NUP210: variants seen among roughly 807,000 people sequenced by gnomAD.
NUP210 encodes the protein nucleoporin 210, also known as nuclear pore membrane glycoprotein 210.
NUP210 carries 151 observed loss-of-function variants against 196.0 expected under a neutral mutation model. The observed-to-expected ratio is 0.77, with a 90% CI of 0.67 to 0.88. NUP210 has a LOEUF of 0.88. Among genes scored for constraint, NUP210 ranks in the 40% least tolerant of loss-of-function variants. The pLI, the probability that NUP210 is intolerant of heterozygous loss-of-function variation, is 0.00. For missense variants in NUP210, 2,314 were observed against 2,493.7 expected, an observed-to-expected ratio of 0.93 and a Z score of 1.53; for synonymous variants, 1,070 against 1,052.7, an observed-to-expected ratio of 1.02 and a Z score of -0.32.
At chr3:13,335,084 C>T (rs1246561642) in intron 28 of NUP210, among the ~76,000 whole-genome samples, 1 of 152,226 alleles carries the variant, frequency 6.6e-6, no homozygotes, top group African/African-American at 2.4e-5. Flanking sequence ...CTGTTGGGTG[C>T]TCTATGTGTG....
chr3:13,372,079 G>C, intron 12 of NUP210, 47 bp from the exon 13 acceptor site: 4 of 1,477,044 alleles, frequency 2.7e-6, no homozygotes, highest in Non-Finnish European at 3.6e-6. Flanking sequence ...CCACAGGAGA[G>C]GCAGGGCCTG....
At chr3:13,389,377 G>A (rs1434574847) in intron 4 of NUP210, among the ~76,000 whole-genome samples, 1 of 152,218 alleles carries the variant, frequency 6.6e-6, no homozygotes, top group Non-Finnish European at 1.5e-5. Context: ...GGCCCTGAGT[G>A]GATCAACCCA....
At chr3:13,325,302 T>C (rs1489816291) in intron 33 of NUP210, among the ~76,000 whole-genome samples, 2 of 152,216 alleles carry the variant, frequency 1.3e-5, no homozygotes, top group Non-Finnish European at 2.9e-5. Flanking sequence ...ACAATTAGGT[T>C]AAACTGCTAG....
chr3:13,364,377 T>C (rs1485314589), intron 14 of NUP210, among the ~76,000 whole-genome samples: 4 of 152,190 alleles, frequency 2.6e-5, no homozygotes, highest in Middle Eastern at 3.2e-3. Context: ...GAGAAGTGTC[T>C]GTTATGTTTG....
chr3:13,375,781 A>G, intron 10 of NUP210, 140 bp from the exon 11 acceptor site: 2 of 845,264 alleles, frequency 2.4e-6, no homozygotes, highest in Non-Finnish European at 3.7e-6. Flanking sequence ...AAGGTGCCAG[A>G]CACCCTGCTG....
intron 11 of NUP210, 93 bp from the exon 12 acceptor site, chr3:13,373,966 A>T: frequency 1.5e-6 from 2 of 1,349,120 alleles, no homozygotes; most frequent in Non-Finnish European, 2.1e-6. Flanking sequence ...GCATGCACGT[A>T]CTCACACTCA....
intron 39 of NUP210, among the ~76,000 whole-genome samples, chr3:13,318,029 G>A (rs1696344220): frequency 6.6e-6 from 1 of 152,206 alleles, no homozygotes; most frequent in East Asian, 1.9e-4. Flanking sequence ...CGTGTCTCAA[G>A]TTTCAGGACC....
chr3:13,343,335 G>A, intron 20 of NUP210, 32 bp from the exon 21 acceptor site: 2 of 1,567,262 alleles, frequency 1.3e-6, no homozygotes, highest in Non-Finnish European at 8.7e-7. Flanking sequence ...GGAGGGGTGG[G>A]TGGTGGGTTA....
At position 13,388,389 on chromosome 3, in the gene NUP210, C is replaced by A. The variant is rs776259824; in HGVS notation, c.598G>T (p.Ala200Ser). The change falls in exon 5 of 40, where the codon GCC becomes TCC. Residue 200 changes from alanine to serine, a missense_variant. Transcript: ENST00000254508. ...PSYISEMEKA[A>S]KQGDTILVSG... is the part of the protein sequence containing the mutation. ...ACCAGGATGGTGTCCCCTTGCTTGG[C>A]AGCCTTCTCCATCTCTGAGATGTAA... 6.2e-7 allele frequency: 1 copy of A among 1,612,738 alleles called. No individual in the cohort carries two copies. The highest frequency in any genetic ancestry group is 1.7e-5 in the Admixed American group (1 of 59,894).
rs528752478 is a variant in NUP210, at chr3:13,365,838, A to G, written c.1932+108T>C. The G allele has an allele frequency of 3.2e-6, 4 of 1,236,096 alleles. No individual in the cohort carries two copies. The African/African-American group carries it at 4.5e-5, about 14-fold the overall frequency. 76.6% of individuals were successfully genotyped at this position (1,236,096 alleles called of 1,614,324 possible). The stretch of plus-strand genomic sequence containing the variant: ...GGGAGAGGAAGCTGTGCCAAAAGCT[A>G]TTTTGAAGGAATCGGGTTTATCATG... On this transcript the variant is annotated intron_variant, in intron 14 of 39. Transcript: ENST00000254508.
At chr3:13,381,288 T>C (rs1699088639) in intron 6 of NUP210, among the ~76,000 whole-genome samples, 1 of 152,204 alleles carries the variant, frequency 6.6e-6, no homozygotes, top group South Asian at 2.1e-4. Context: ...TTTTGGGAAA[T>C]GAACATGCTT....
chr3:13,362,224 T>C (rs1698395096), intron 14 of NUP210, among the ~76,000 whole-genome samples: 1 of 152,140 alleles, frequency 6.6e-6, no homozygotes, highest in South Asian at 2.1e-4. Flanking sequence ...AAAAACCTCT[T>C]CCACCCCTGC....
intron 15 of NUP210, among the ~76,000 whole-genome samples, chr3:13,358,803 C>T (rs1043399876): frequency 6.6e-6 from 1 of 152,214 alleles, no homozygotes; most frequent in African/African-American, 2.4e-5. Flanking sequence ...GTGCATGCTG[C>T]AGAATGATGA....
intron 1 of NUP210, among the ~76,000 whole-genome samples, chr3:13,417,072 G>A (rs1028568584): frequency 6.6e-6 from 1 of 152,184 alleles, no homozygotes; most frequent in African/African-American, 2.4e-5. Flanking sequence ...CAAAACCAGT[G>A]CTGGCTGGGT....
chr3:13,361,461 C>T (rs1487107518), intron 14 of NUP210, among the ~76,000 whole-genome samples: 2 of 152,194 alleles, frequency 1.3e-5, no homozygotes, highest in Non-Finnish European at 2.9e-5. Flanking sequence ...AACAGGGTGT[C>T]ATTCCCAGCC....
At chr3:13,384,261 G>A (rs939047252) in intron 6 of NUP210, among the ~76,000 whole-genome samples, 2 of 152,334 alleles carry the variant, frequency 1.3e-5, no homozygotes, top group East Asian at 1.9e-4. Context: ...ACGCCCGGCC[G>A]GCCCTGTTGT....
chr3:13,328,879 A>G lies in NUP210; in HGVS notation c.4178T>C (p.Leu1393Pro), dbSNP rs1346965513. Reference protein sequence around the residue: ...PVLHTQNKEALVAVPLGMTVT... With the variant: ...PVLHTQNKEAPVAVPLGMTVT... ...GGTCATTCCCAAAGGCACGGCCACCAGGGCCTCCTTGTTCTGGGTGTGCAG... is the reference window on the plus strand; with the variant it reads ...GGTCATTCCCAAAGGCACGGCCACCGGGGCCTCCTTGTTCTGGGTGTGCAG... Residue 1393 changes from leucine to proline, a missense_variant, in exon 31 of 40, where the codon CTG (leucine) becomes CCG (proline). By Grantham distance (98) the Leu-to-Pro change is moderately conservative. Coordinates refer to ENST00000254508, the MANE Select transcript of NUP210 (RefSeq NM_024923.4). 1 of 1,614,068 alleles carries G rather than the reference A, an allele frequency of 6.2e-7. No individual in the cohort carries two copies. The highest frequency in any genetic ancestry group is 8.5e-7 in the Non-Finnish European group (1 of 1,180,022).
At chr3:13,351,170 A>T (rs1318541987) in intron 20 of NUP210, among the ~76,000 whole-genome samples, 1 of 152,226 alleles carries the variant, frequency 6.6e-6, no homozygotes, top group African/African-American at 2.4e-5. Context: ...TAAAAGCAGA[A>T]CATTAAATTC....
In NUP210 at chr3:13,420,236, G is replaced by A. The variant is rs1700491926; in HGVS notation, c.-10C>T. 2.9e-5 allele frequency: 32 copies of A among 1,105,132 alleles called. No individual in the cohort carries two copies. The highest frequency in any genetic ancestry group is 3.4e-5 in the Non-Finnish European group (31 of 905,598). The allele number at this position is 1,105,132 out of a possible 1,614,324, so 68.5% of individuals were successfully genotyped here. A position where few individuals can be genotyped will look rare whatever the true frequency, so the allele number is the denominator to read the frequency against. ...GGCCCCGCGCCGCCATCCTCGCCGC[G>A]CGTCACCTCCCGCGACCCTGCGCCC... On this transcript the variant is annotated 5_prime_UTR_variant, in exon 1 of 40. Coordinates refer to ENST00000254508, the MANE Select transcript of NUP210 (RefSeq NM_024923.4). The surrounding 1 kb of genome is among the most constrained non-coding windows in gnomAD (Gnocchi z 4.8).
Sources: gnomAD v4.1 joint callset for allele counts (sites outside exome capture counted in the v4.1 genomes callset) on GRCh38, gnomAD v4.1.1 for gene constraint, Gnocchi (gnomAD v3.1) non-coding constraint, MANE v1.5 for transcripts, NCBI Gene and HGNC (gene_info 2026-07-23, HGNC 2026-07-21) for gene names.